Variants in UTP4 observed in about 807,000 individuals in gnomAD.
UTP4 encodes U3 small nucleolar RNA-associated protein 4 homolog.
A neutral mutation model predicts 82.4 loss-of-function variants in UTP4; 45 were observed. The observed-to-expected ratio is 0.55, with a 90% CI of 0.43 to 0.70. The LOEUF (loss-of-function observed/expected upper bound fraction) is 0.70. Ranked by LOEUF, UTP4 falls within the 30% of genes least tolerant of loss-of-function variation. The pLI is 0.00. For synonymous variants in UTP4, 348 were observed against 300.3 expected (o/e 1.16, Z -1.64); for missense variants, 819 against 858.3 (o/e 0.95, Z 0.57).
At chr16:69,157,330 A>T in intron 12 of UTP4, 90 bp downstream of exon 12, 3 of 1,286,620 alleles carry the variant, frequency 2.3e-6, no homozygotes, top group Admixed American at 2.0e-5. Flanking sequence ...GGGTTCCCTC[A>T]TGTTCCTCCT....
At chr16:69,133,314 A>G (rs1280864592) in intron 1 of UTP4, 144 bp from the exon 2 acceptor site, 2 of 782,820 alleles carry the variant, frequency 2.6e-6, no homozygotes, top group African/African-American at 3.4e-5. Flanking sequence ...TGTGGGGGGC[A>G]TTGTTAGCAG....
At chr16:69,164,216 A>G (rs751346813) in intron 14 of UTP4, among the ~76,000 whole-genome samples, 1 of 152,050 alleles carries the variant, frequency 6.6e-6, no homozygotes, top group African/African-American at 2.4e-5. Flanking sequence ...ACATGCACAC[A>G]CACACTGTCC....
chr16:69,165,646 C>T (rs759681530), intron 15 of UTP4, 120 bp downstream of exon 15: 7 of 837,886 alleles, frequency 8.4e-6, no homozygotes, highest in Non-Finnish European at 1.4e-5. Flanking sequence ...AATCAGAATA[C>T]AGGTAGCTAG....
chr16:69,144,494 T>C (rs1211895387), intron 6 of UTP4, among the ~76,000 whole-genome samples: 1 of 152,184 alleles, frequency 6.6e-6, no homozygotes, highest in Admixed American at 6.6e-5. Flanking sequence ...AGCCTATTAT[T>C]TTCTATGACG....
intron 14 of UTP4, among the ~76,000 whole-genome samples, chr16:69,164,089 T>C (rs1963636488): frequency 6.6e-6 from 1 of 151,962 alleles, no homozygotes; most frequent in Non-Finnish European, 1.5e-5. Flanking sequence ...TTTCACCATG[T>C]TAGCCAGGAT....
At position 69,163,138 on chromosome 16, in the gene UTP4, C is replaced by T. The variant is rs1398819999; in HGVS notation, c.1607C>T (p.Pro536Leu). Residue 536 changes from proline to leucine, a missense_variant, in exon 14 of 17, where the codon CCC becomes CTC. By Grantham distance (98) the Pro-to-Leu change is moderately conservative (BLOSUM62 -3). Transcript: ENST00000314423. Reference sequence around the variant, plus strand: ...CCAGTGACTGCTATGGCTATTGCCCCCAATACCAACAACCTTGTCATCGCT... The same window carrying T: ...CCAGTGACTGCTATGGCTATTGCCCTCAATACCAACAACCTTGTCATCGCT... Reference protein sequence around the residue: ...NFPVTAMAIAPNTNNLVIAHS... With the variant: ...NFPVTAMAIALNTNNLVIAHS... 1 of 1,614,012 alleles carries T rather than the reference C, an allele frequency of 6.2e-7. No individual in the cohort carries two copies. The highest frequency in any genetic ancestry group is 8.5e-7 in the Non-Finnish European group (1 of 1,180,026).
In UTP4 at chr16:69,132,918, C is replaced by G. The variant is rs1597129106; in HGVS notation, c.-3+229C>G. On this transcript the variant is annotated intron_variant, in intron 1 of 16. Coordinates refer to ENST00000314423, the MANE Select transcript of UTP4 (RefSeq NM_032830.3). ...ACGCGCTTGCTCTGTCTGCGGGTTC[C>G]TAACCTTGAAGCTAGGCCAGTGAGG... 7 of 205,070 alleles carry G rather than the reference C, an allele frequency of 3.4e-5. No individual in the cohort carries two copies. In the South Asian group the frequency reaches 4.5e-4, roughly 13 times the overall value. The allele number at this position is 205,070 out of a possible 1,614,324, so 12.7% of individuals were successfully genotyped here.
At chr16:69,163,648 C>T (rs1369277581) in intron 14 of UTP4, among the ~76,000 whole-genome samples, 3 of 149,952 alleles carry the variant, frequency 2.0e-5, no homozygotes, top group African/African-American at 7.4e-5. Flanking sequence ...TTTTCTATAC[C>T]AATTTGTAAG....
At chr16:69,140,937 T>C (rs1962943729) in intron 5 of UTP4, among the ~76,000 whole-genome samples, 1 of 152,086 alleles carries the variant, frequency 6.6e-6, no homozygotes, top group African/African-American at 2.4e-5. Context: ...GGTTATATTA[T>C]AACTTTGTTC....
intron 6 of UTP4, among the ~76,000 whole-genome samples, chr16:69,147,656 ATGAGATATCT>A (rs1347232684): frequency 2.0e-5 from 3 of 152,164 alleles, no homozygotes; most frequent in Non-Finnish European, 2.9e-5. Context: ...CATATACATA[ATGAGATATCT>A]TGGGGATGGG....
At chr16:69,158,675 C>G (rs1963485976) in intron 12 of UTP4, among the ~76,000 whole-genome samples, 1 of 152,214 alleles carries the variant, frequency 6.6e-6, no homozygotes, top group Admixed American at 6.5e-5. Flanking sequence ...TTCCACTTCT[C>G]TCATCTCACT....
intron 6 of UTP4, among the ~76,000 whole-genome samples, chr16:69,143,924 G>T (rs534231410): frequency 4.6e-5 from 7 of 151,658 alleles, no homozygotes; most frequent in African/African-American, 1.5e-4. Context: ...TTTCATTCTT[G>T]TCGCCCAGGC....
intron 8 of UTP4, 100 bp downstream of exon 8, chr16:69,151,004 T>G: frequency 2.9e-4 from 242 of 848,230 alleles, no homozygotes; most frequent in Non-Finnish European, 4.0e-4. Flanking sequence ...GGCAAATTTG[T>G]AGGACTTTTT....
chr16:69,140,642 C>T (rs554086831), intron 5 of UTP4, among the ~76,000 whole-genome samples: 2 of 151,992 alleles, frequency 1.3e-5, no homozygotes, highest in South Asian at 4.2e-4. Flanking sequence ...CCATTGCACT[C>T]CAGCCTGACA....
At chr16:69,144,236 CTG>C (rs1426209985) in intron 6 of UTP4, among the ~76,000 whole-genome samples, 1 of 144,484 alleles carries the variant, frequency 6.9e-6, no homozygotes, top group East Asian at 2.1e-4. Context: ...GAGTCTAGCT[CTG>C]TCACCCAGGC....
chr16:69,153,942 G>A (rs1429711295), intron 9 of UTP4, among the ~76,000 whole-genome samples: 2 of 152,064 alleles, frequency 1.3e-5, no homozygotes, highest in East Asian at 1.9e-4. Flanking sequence ...TTGAAGAATC[G>A]TAGTTTGCGC....
chr16:69,137,691 A>G, intron 3 of UTP4, 110 bp from the exon 4 acceptor site: 3 of 720,836 alleles, frequency 4.2e-6, no homozygotes, highest in South Asian at 3.1e-5. Flanking sequence ...GATAGCTTTA[A>G]GGAGGAAGAG....
In UTP4 at chr16:69,133,519, C is replaced by A. The variant is rs754816537; in HGVS notation, c.60C>A (p.Arg20=). Residue 20 remains arginine (R), a synonymous_variant, in exon 2 of 17, where the codon CGC becomes CGA. Transcript: ENST00000314423. The stretch of plus-strand genomic sequence containing the variant: ...TTAATTATGTTCCATCAGGAATCCG[C>A]TGTGTGGCTTACAATAACCAGTCAA... ...RFFNYVPSGI[R]CVAYNNQSNR... The A allele has an allele frequency of 1.2e-6, 2 of 1,614,142 alleles. No homozygotes were observed. The highest frequency in any genetic ancestry group is 2.2e-5 in the South Asian group (2 of 91,076).
intron 10 of UTP4, among the ~76,000 whole-genome samples, chr16:69,154,703 CTTTT>C (rs1433485766): frequency 6.6e-5 from 9 of 136,226 alleles, no homozygotes; most frequent in African/African-American, 2.4e-4. Context: ...AAATAATGTG[CTTTT>C]ATTTATTTAT....
Sources: allele counts gnomAD v4.1 joint callset (sites outside exome capture counted in the v4.1 genomes callset), GRCh38; gene constraint gnomAD v4.1.1; transcripts MANE v1.5; gene names NCBI Gene and HGNC (gene_info 2026-07-23, HGNC 2026-07-21).